The following PANX1 variants were observed in gnomAD, a reference collection of about 807,000 sequenced individuals.
PANX1 encodes the protein pannexin 1.
In PANX1, 30 loss-of-function variants were observed where a neutral mutation model predicts 38.7. That is an observed-to-expected ratio of 0.78 (90% CI 0.58 to 1.05). The LOEUF (loss-of-function observed/expected upper bound fraction) is 1.05, where lower values mean the gene tolerates loss of function less well. Among genes scored for constraint, PANX1 ranks in the 50% least tolerant of loss-of-function variants. The pLI, the probability that PANX1 is intolerant of heterozygous loss-of-function variation, is 0.00. For missense variants in PANX1, 551 were observed against 517.2 expected (o/e 1.07, Z -0.63); for synonymous variants, 230 against 212.2 (o/e 1.08, Z -0.73).
chr11:94,151,826 T>TTATA (rs1946885792), intron 1 of PANX1, among the ~76,000 whole-genome samples: 3 of 152,246 alleles, frequency 2.0e-5, no homozygotes, highest in Admixed American at 2.0e-4. Flanking sequence ...GAACACTTGC[T>TTATA]GATGTTTGTG....
chr11:94,180,044 C>T lies in PANX1; in HGVS notation c.988C>T (p.Leu330Phe). The T allele has an allele frequency of 6.2e-7, 1 of 1,609,176 alleles. No individual in the cohort carries two copies. The highest frequency in any genetic ancestry group is 8.5e-7 in the Non-Finnish European group (1 of 1,176,620). ...FKSEGYNDLS[L>F]YNLFLEENIS... ...ATCTGAAGGGTACAACGATTTGAGCCTCTACAATCTCTTCTTGGAGGAAAA... is the reference window on the plus strand; with the variant it reads ...ATCTGAAGGGTACAACGATTTGAGCTTCTACAATCTCTTCTTGGAGGAAAA... The change falls in exon 4 of 5, where the codon CTC (leucine) becomes TTC (phenylalanine). Residue 330 changes from leucine to phenylalanine, a missense_variant. Transcript: ENST00000227638.
intron 2 of PANX1, among the ~76,000 whole-genome samples, chr11:94,161,993 C>T (rs1017630328): frequency 9.9e-5 from 15 of 152,182 alleles, no homozygotes; most frequent in Non-Finnish European, 8.8e-5. Flanking sequence ...ACTCCAGACC[C>T]TGTTTGCCTG....
intron 2 of PANX1, among the ~76,000 whole-genome samples, chr11:94,159,265 A>G (rs1020640904): frequency 3.3e-5 from 5 of 152,194 alleles, no homozygotes; most frequent in African/African-American, 1.2e-4. Context: ...TGCTGGCCTC[A>G]TAAAATGAGT....
intron 1 of PANX1, among the ~76,000 whole-genome samples, chr11:94,132,452 C>G (rs1476981978): frequency 6.6e-6 from 1 of 152,068 alleles, no homozygotes; most frequent in Non-Finnish European, 1.5e-5. Flanking sequence ...GCAGTGTTGG[C>G]TGAAGCTGAG....
intron 2 of PANX1, among the ~76,000 whole-genome samples, chr11:94,157,563 C>T (rs368546539): frequency 0.055 from 8,366 of 151,958 alleles, 771 homozygotes; most frequent in African/African-American, 0.19. Context: ...TCATGTCCTT[C>T]GCCCACTTTT....
intron 1 of PANX1, among the ~76,000 whole-genome samples, chr11:94,145,050 T>TATCAGTGTA (rs1331796753): frequency 2.6e-5 from 4 of 152,208 alleles, no homozygotes; most frequent in African/African-American, 7.2e-5. Flanking sequence ...CATAATATCA[T>TATCAGTGTA]ATCAGTGTAA....
At chr11:94,144,274 G>A (rs1946799975) in intron 1 of PANX1, among the ~76,000 whole-genome samples, 1 of 151,942 alleles carries the variant, frequency 6.6e-6, no homozygotes, top group Admixed American at 6.6e-5. Flanking sequence ...CAAAAACCAA[G>A]ACCAAGCACA....
At chr11:94,179,549 A>G in intron 3 of PANX1, 53 bp from the exon 4 acceptor site, 1 of 1,350,746 alleles carries the variant, frequency 7.4e-7, no homozygotes. Context: ...TGCCTTTAAT[A>G]TTTGATGGTC....
chr11:94,144,785 A>G (rs902246808), intron 1 of PANX1, among the ~76,000 whole-genome samples: 1 of 152,050 alleles, frequency 6.6e-6, no homozygotes, highest in African/African-American at 2.4e-5. Context: ...GGGAAAGAGT[A>G]TGACCACACA....
At chr11:94,171,850 T>C (rs1269747399) in intron 2 of PANX1, among the ~76,000 whole-genome samples, 1 of 150,032 alleles carries the variant, frequency 6.7e-6, no homozygotes, top group Non-Finnish European at 1.5e-5. Flanking sequence ...GTGGGTACAG[T>C]CTCGGGGGGT....
intron 2 of PANX1, among the ~76,000 whole-genome samples, chr11:94,164,997 C>T (rs911192719): frequency 3.3e-5 from 5 of 152,038 alleles, no homozygotes; most frequent in East Asian, 1.9e-4. Flanking sequence ...TAGCTATTCC[C>T]GCTCTTTTTT....
At chr11:94,138,752 AT>A (rs1422190155) in intron 1 of PANX1, among the ~76,000 whole-genome samples, 1 of 152,106 alleles carries the variant, frequency 6.6e-6, no homozygotes. Context: ...TATTCATTCT[AT>A]TTTTATGCCC....
At chr11:94,162,351 C>G (rs1261518941) in intron 2 of PANX1, among the ~76,000 whole-genome samples, 4 of 152,204 alleles carry the variant, frequency 2.6e-5, no homozygotes, top group Non-Finnish European at 5.9e-5. Context: ...CCTCCTTGAG[C>G]TGTGGTGGGC....
chr11:94,153,185 C>T lies in PANX1; in HGVS notation c.182-306C>T, dbSNP rs77373218. Among the ~76,000 whole-genome samples the T allele has an allele frequency of 0.01, 1,585 of 152,302 alleles. 75 individuals are homozygous for T. The East Asian group carries it at 0.14, about 13-fold the overall frequency. On this transcript the variant is annotated intron_variant, in intron 1 of 4. Coordinates refer to ENST00000227638, the MANE Select transcript of PANX1 (RefSeq NM_015368.4). Reference sequence around the variant, plus strand: ...CCAAACTAAACCAGGTCTCTCCACGCTTGCCTCTTGAATTCTGGGCTCTGG... The same window carrying T: ...CCAAACTAAACCAGGTCTCTCCACGTTTGCCTCTTGAATTCTGGGCTCTGG...
intron 2 of PANX1, among the ~76,000 whole-genome samples, chr11:94,165,395 G>C (rs923976147): frequency 6.6e-6 from 1 of 151,138 alleles, no homozygotes; most frequent in African/African-American, 2.4e-5. Context: ...TGTGCACAAC[G>C]TGCAGGTTTG....
At chr11:94,166,352 T>C (rs1947101155) in intron 2 of PANX1, among the ~76,000 whole-genome samples, 1 of 152,244 alleles carries the variant, frequency 6.6e-6, no homozygotes, top group Non-Finnish European at 1.5e-5. Context: ...CTAGTGTTGA[T>C]GAAATACCTC....
chr11:94,129,530 C>G lies in PANX1; in HGVS notation c.181+37C>G, dbSNP rs371876803. 5.1e-5 allele frequency: 79 copies of G among 1,551,876 alleles called. No homozygotes were observed. In the African/African-American group the frequency reaches 8.7e-4, roughly 17 times the overall value. On this transcript the variant is annotated intron_variant, in intron 1 of 4. Transcript: ENST00000227638. ...CCAGGACGGAGGGGAGTGGCCGCCC[C>G]GGTCTGGCCCGGTGAGCTGCGATTT... is the stretch of plus-strand genomic sequence containing the variant.
chr11:94,155,078 C>T (rs1309017675), intron 2 of PANX1, among the ~76,000 whole-genome samples: 2 of 150,896 alleles, frequency 1.3e-5, no homozygotes, highest in Non-Finnish European at 2.9e-5. Context: ...TGGCTGGGTG[C>T]GGTGGCTCAT....
intron 1 of PANX1, 121 bp downstream of exon 1, chr11:94,129,614 A>G: frequency 1.1e-6 from 1 of 871,064 alleles, no homozygotes; most frequent in Non-Finnish European, 1.7e-6. Context: ...AGCGTCAGGA[A>G]GGGCAGTGGC....
Sources: allele counts gnomAD v4.1 joint callset (sites outside exome capture counted in the v4.1 genomes callset), GRCh38; gene constraint gnomAD v4.1.1; transcripts MANE v1.5; gene names NCBI Gene and HGNC (gene_info 2026-07-23, HGNC 2026-07-21).